TBCK: variants seen among roughly 807,000 people sequenced by gnomAD.
TBCK encodes TBC domain-containing protein kinase-like protein.
In TBCK, 99 loss-of-function variants were observed where a neutral mutation model predicts 113.4. The observed-to-expected ratio is 0.87, with a 90% CI of 0.74 to 1.03. TBCK has a LOEUF of 1.03. Among genes scored for constraint, TBCK ranks in the 50% least tolerant of loss-of-function variants. TBCK has a pLI of 0.00. For synonymous variants in TBCK, 369 were observed against 370.8 expected (o/e 1.00, Z 0.05); for missense variants, 1,045 against 1,061.3 (o/e 0.98, Z 0.21).
At chr4:106,265,762 C>T (rs978297373) in intron 3 of TBCK, among the ~76,000 whole-genome samples, 2 of 151,736 alleles carry the variant, frequency 1.3e-5, no homozygotes, top group African/African-American at 4.8e-5. Flanking sequence ...ACTCCCTCTC[C>T]ACCCCATCTC....
intron 19 of TBCK, among the ~76,000 whole-genome samples, chr4:106,215,150 C>T (rs944650589): frequency 2.4e-4 from 37 of 151,712 alleles, no homozygotes; most frequent in African/African-American, 9.0e-4. Context: ...AAATACTTTA[C>T]AGACAAGCAA....
intron 25 of TBCK, among the ~76,000 whole-genome samples, chr4:106,075,601 TC>T (rs1197220795): frequency 6.6e-6 from 1 of 152,226 alleles, no homozygotes; most frequent in African/African-American, 2.4e-5. Context: ...GCCTTGTACA[TC>T]ATAGATGACG....
intron 25 of TBCK, among the ~76,000 whole-genome samples, chr4:106,061,819 A>G (rs113002175): frequency 1.1e-4 from 16 of 151,788 alleles, no homozygotes; most frequent in Non-Finnish European, 8.8e-5. Context: ...GCATAGATTC[A>G]AATGTAAAAT....
chr4:106,223,970 A>G (rs1323998877), intron 19 of TBCK, among the ~76,000 whole-genome samples: 2 of 152,176 alleles, frequency 1.3e-5, no homozygotes, highest in African/African-American at 4.8e-5. Flanking sequence ...TCAACAGCCA[A>G]TCCTGAGTTG....
intron 20 of TBCK, among the ~76,000 whole-genome samples, chr4:106,197,659 G>A (rs1188800722): frequency 1.3e-5 from 2 of 151,830 alleles, no homozygotes; most frequent in African/African-American, 2.4e-5. Flanking sequence ...AAACCAAGCT[G>A]CTCTGGCCCC....
rs147384249 is a variant in TBCK, at chr4:106,236,405, G to A, written c.1335C>T (p.Phe445=). ...GAATCCATACCTTTAGCAGCCTGTCGAAGAGAATAATTCTATTTAGTTGGT... is the reference window on the plus strand; with the variant it reads ...GAATCCATACCTTTAGCAGCCTGTCAAAGAGAATAATTCTATTTAGTTGGT... ...TEYQLNRIIL[F]DRLLKAYPYK... Residue 445 remains phenylalanine, a synonymous_variant, in exon 14 of 26, where the codon TTC becomes TTT. Transcript: ENST00000394708. 6.5e-4 allele frequency: 989 copies of A among 1,514,268 alleles called. 3 individuals are homozygous for A. The African/African-American group carries it at 8.3e-3, about 13-fold the overall frequency. The allele number at this position is 1,514,268 out of a possible 1,614,324, so 93.8% of individuals were successfully genotyped here.
At chr4:106,257,712 A>G (rs2150085081) in intron 5 of TBCK, among the ~76,000 whole-genome samples, 1 of 152,220 alleles carries the variant, frequency 6.6e-6, no homozygotes, top group Admixed American at 6.5e-5. Flanking sequence ...TAGTGGAAGC[A>G]GCACTAGACT....
chr4:106,083,186 T>G (rs1199262437), intron 25 of TBCK, among the ~76,000 whole-genome samples: 2 of 152,080 alleles, frequency 1.3e-5, no homozygotes, highest in Non-Finnish European at 2.9e-5. Context: ...CACTCTAAGC[T>G]CCCTGGGCAG....
chr4:106,235,240 CA>C, intron 15 of TBCK, 28 bp downstream of exon 15: 1 of 1,456,388 alleles, frequency 6.9e-7, no homozygotes, highest in Non-Finnish European at 9.3e-7. Context: ...CATAATTAAT[CA>C]GCTTCTAACC....
At chr4:106,087,927 A>C (rs576318702) in intron 25 of TBCK, among the ~76,000 whole-genome samples, 1 of 152,060 alleles carries the variant, frequency 6.6e-6, no homozygotes, top group Non-Finnish European at 1.5e-5. Context: ...CTGGAGCCCT[A>C]CCTTATGTCT....
chr4:106,230,159 T>C (rs1758698718), intron 19 of TBCK, among the ~76,000 whole-genome samples: 1 of 151,946 alleles, frequency 6.6e-6, no homozygotes, highest in Non-Finnish European at 1.5e-5. Context: ...TGAGATCAGA[T>C]ATCAAATATC....
chr4:106,268,552 T>C (rs1217470686), intron 3 of TBCK, among the ~76,000 whole-genome samples: 3 of 152,116 alleles, frequency 2.0e-5, no homozygotes, highest in Non-Finnish European at 2.9e-5. Context: ...GTATAATCTT[T>C]TAGTTAGTCA....
intron 19 of TBCK, among the ~76,000 whole-genome samples, chr4:106,215,220 A>C (rs1756726471): frequency 6.6e-6 from 1 of 152,186 alleles, no homozygotes; most frequent in South Asian, 2.1e-4. Flanking sequence ...AGGAAGCAGT[A>C]AACATGGAAA....
At chr4:106,233,125 A>G in intron 16 of TBCK, 61 bp from the exon 17 acceptor site, 1 of 1,432,386 alleles carries the variant, frequency 7.0e-7, no homozygotes, top group Admixed American at 2.0e-5. Context: ...ATAAACCCTT[A>G]ATCCTTGTTC....
At chr4:106,294,558 C>T (rs936389196) in intron 3 of TBCK, among the ~76,000 whole-genome samples, 6 of 151,986 alleles carry the variant, frequency 3.9e-5, no homozygotes, top group African/African-American at 9.7e-5. Flanking sequence ...CTCGGCTCAC[C>T]GTAAGCTCCG....
intron 25 of TBCK, among the ~76,000 whole-genome samples, chr4:106,081,611 G>A (rs143050581): frequency 2.0e-5 from 3 of 152,190 alleles, no homozygotes; most frequent in Non-Finnish European, 2.9e-5. Flanking sequence ...AGGAAACAAC[G>A]ATGGCACACA....
intron 24 of TBCK, among the ~76,000 whole-genome samples, chr4:106,103,819 G>A (rs1741830360): frequency 6.6e-6 from 1 of 152,114 alleles, no homozygotes; most frequent in Admixed American, 6.5e-5. Flanking sequence ...ATTTGCAGTG[G>A]GACTAATCAA....
intron 22 of TBCK, among the ~76,000 whole-genome samples, chr4:106,180,946 G>A (rs915264497): frequency 2.6e-5 from 4 of 151,522 alleles, no homozygotes; most frequent in Non-Finnish European, 4.4e-5. Context: ...AGATCCTTGA[G>A]GAATCGCCAC....
intron 15 of TBCK, 58 bp downstream of exon 15, chr4:106,235,211 C>T: frequency 6.3e-6 from 7 of 1,119,644 alleles, no homozygotes; most frequent in Admixed American, 2.5e-5. Flanking sequence ...AAGCACTCTC[C>T]TTCTCCATCC....
Sources: allele counts gnomAD v4.1 joint callset (sites outside exome capture counted in the v4.1 genomes callset), GRCh38; gene constraint gnomAD v4.1.1; transcripts MANE v1.5; gene names NCBI Gene and HGNC (gene_info 2026-07-23, HGNC 2026-07-21).